RFX1: variants seen among roughly 807,000 people sequenced by gnomAD.
The protein encoded by RFX1 is MHC class II regulatory factor RFX1.
In RFX1, 42 loss-of-function variants were observed where a neutral mutation model predicts 119.6. That is an observed-to-expected ratio of 0.35 (90% CI 0.27 to 0.45). RFX1 has a LOEUF of 0.45. Among genes scored for constraint, RFX1 ranks in the 20% least tolerant of loss-of-function variants. The pLI is 1.00. For synonymous variants in RFX1, 628 were observed against 618.5 expected (o/e 1.02, Z -0.23); for missense variants, 1,118 against 1,368.1 (o/e 0.82, Z 2.88).
At chr19:13,963,385 G>A (rs1973781043) in intron 18 of RFX1, 110 bp from the exon 19 acceptor site, 13 of 1,456,966 alleles carry the variant, frequency 8.9e-6, no homozygotes, top group Non-Finnish European at 1.2e-5. Context: ...GACTCAGGCT[G>A]GATCCCGCAC....
chr19:13,994,482 G>A (rs927081155), intron 1 of RFX1, among the ~76,000 whole-genome samples: 3 of 152,050 alleles, frequency 2.0e-5, no homozygotes, highest in Admixed American at 6.6e-5. Flanking sequence ...TTGGGAGGCC[G>A]AGGTGAGCGG....
chr19:13,963,693 C>T lies in RFX1; in HGVS notation c.2415G>A (p.Glu805=), dbSNP rs1312308822. ...RCEDRVVQRL[E]QDFKVTLQQQ... is the part of the protein sequence containing the mutation. ...GCTGCAGCGTCACCTTGAAGTCCTG[C>T]TCCAGCCGCTGCACCACGCGGTCCT... Residue 805 remains glutamate (E), a synonymous_variant, in exon 18 of 21, where the codon GAG becomes GAA. Coordinates refer to ENST00000254325, the MANE Select transcript of RFX1 (RefSeq NM_002918.5). 6.2e-6 allele frequency: 10 copies of T among 1,604,804 alleles called. No homozygotes were observed. Among genetic ancestry groups the T allele is most frequent in the South Asian group, 5.5e-5 (5 of 90,208 alleles).
At chr19:13,989,475 A>G (rs1974725913) in intron 2 of RFX1, among the ~76,000 whole-genome samples, 1 of 151,956 alleles carries the variant, frequency 6.6e-6, no homozygotes, top group Admixed American at 6.6e-5. Flanking sequence ...GGTTCAAGCG[A>G]TTCTCCTGCC....
At position 13,965,642 on chromosome 19, in the gene RFX1, C is replaced by T; in HGVS notation, c.2097G>A (p.Val699=). ...AGCACTCACTGGGGATGGGCCGCAG[C>T]ACGTCGGGAATGAGGATTTCCACCA... ...QGLVEILIPD[V]LRPIPSALTQ... The change falls in exon 15 of 21, where the codon GTG becomes GTA. Residue 699 remains valine, a synonymous_variant. Transcript: ENST00000254325. This position sits in a 1 kb window ranked among gnomAD's most constrained non-coding sequence, Gnocchi z 4.7. The T allele has an allele frequency of 1.9e-6, 3 of 1,613,554 alleles. No homozygotes were observed. The highest frequency in any genetic ancestry group is 2.2e-5 in the East Asian group (1 of 44,872).
At chr19:13,975,789 C>T (rs1974239029) in intron 8 of RFX1, among the ~76,000 whole-genome samples, 1 of 152,208 alleles carries the variant, frequency 6.6e-6, no homozygotes, top group African/African-American at 2.4e-5. Context: ...GGGATGGAGG[C>T]CCAGGGGCTG....
chr19:13,982,257 G>A, intron 4 of RFX1, 29 bp from the exon 5 acceptor site: 1 of 1,216,568 alleles, frequency 8.2e-7, no homozygotes, highest in Non-Finnish European at 1.1e-6. Flanking sequence ...AGGGAGGGCA[G>A]ATCACTGATG....
Position 13,966,682 on chromosome 19 carries a change from C to G in RFX1, c.1802G>C (p.Gly601Ala), listed in dbSNP as rs757451059. ...LQGKVLPEGV[G>A]PGDIKAFQVL... Reference sequence around the variant, plus strand: ...CTGGAAGGCTTTGATGTCCCCGGGCCCGACGCCCTCAGGCAGCACCTTGCC... The same window carrying G: ...CTGGAAGGCTTTGATGTCCCCGGGCGCGACGCCCTCAGGCAGCACCTTGCC... Residue 601 changes from glycine to alanine, a missense_variant, in exon 13 of 21, where the codon GGG (glycine) becomes GCG (alanine). Gly to Ala is a moderately conservative substitution (Grantham distance 60). Coordinates refer to ENST00000254325, the MANE Select transcript of RFX1 (RefSeq NM_002918.5). The surrounding 1 kb of genome is among the most constrained non-coding windows in gnomAD (Gnocchi z 6.3). 3.1e-6 allele frequency: 5 copies of G among 1,611,388 alleles called. No homozygotes were observed.
rs1422028318 is a variant in RFX1, at chr19:13,962,568, TC to T, written c.*126del. ...CCATAAGGGAGGAGGGCCCCGGTCTTCCCTGTCTCGGAGTCCCCCTCCCTGC... is the reference window on the plus strand; with the variant it reads ...CCATAAGGGAGGAGGGCCCCGGTCTTCCTGTCTCGGAGTCCCCCTCCCTGC... On this transcript the variant is annotated 3_prime_UTR_variant, in exon 21 of 21. Transcript: ENST00000254325. 2.6e-6 allele frequency: 2 copies of T among 769,508 alleles called. No individual in the cohort carries two copies. The highest frequency in any genetic ancestry group is 6.1e-5 in the East Asian group (2 of 32,860). 47.7% of individuals were successfully genotyped at this position (769,508 alleles called of 1,614,324 possible).
Position 13,970,038 on chromosome 19 carries a change from G to T in RFX1, c.1452C>A (p.Ile484=), listed in dbSNP as rs780089915. 6.2e-7 allele frequency: 1 copy of T among 1,614,052 alleles called. No individual in the cohort carries two copies. Among genetic ancestry groups the T allele is most frequent in the South Asian group, 1.1e-5 (1 of 91,084 alleles). ...PVNAASFGKL[I]RSVFMGLRTR... ...TTCGCAGGCCCATGAAGACGGAGCG[G>T]ATGAGCTTGCCGAAGGAGGCGGCGT... Residue 484 remains isoleucine, a synonymous_variant, in exon 10 of 21, where the codon ATC becomes ATA. Transcript: ENST00000254325.
chr19:13,991,881 C>T (rs1023306790), intron 2 of RFX1, among the ~76,000 whole-genome samples: 9 of 151,986 alleles, frequency 5.9e-5, no homozygotes, highest in African/African-American at 2.2e-4. Flanking sequence ...AGGCTGGTCT[C>T]GAACTCCTGA....
rs371029165 is a variant in RFX1 at position 13,983,550 on chromosome 19, C to A, written c.365G>T (p.Gly122Val). 116 of 1,610,844 alleles carry A rather than the reference C, an allele frequency of 7.2e-5. No individual in the cohort carries two copies. The highest frequency in any genetic ancestry group is 9.5e-5 in the Non-Finnish European group (112 of 1,179,480). Residue 122 changes from glycine to valine, a missense_variant, in exon 3 of 21, where the codon GGC (glycine) becomes GTC (valine). By Grantham distance (109) the Gly-to-Val change is moderately radical (BLOSUM62 -3). This residue lies in a region of RFX1 where 542 missense variants were observed against 602.7 expected (regional missense o/e 0.90). Transcript: ENST00000254325. ...AACGCCGGTCTGGCTGGCGGTGGAG[C>A]CGGGGCTGGCCTCCGACACTGTCTC... ...ASETVSEASP[G>V]STASQTGVPT...
Position 13,990,071 on chromosome 19 carries a change from G to C in RFX1, c.319+3454C>G, listed in dbSNP as rs535262822. On this transcript the variant is annotated intron_variant, in intron 2 of 20. Coordinates refer to ENST00000254325, the MANE Select transcript of RFX1 (RefSeq NM_002918.5). This position sits in a 1 kb window ranked among gnomAD's most constrained non-coding sequence, Gnocchi z 4.1. ...GGATGAGTCAGGAGGGGCTGGATGT[G>C]GGGTCCTGCGGTTCAGGGTTGCAGC... 2.6e-5 allele frequency among the ~76,000 whole-genome samples: 4 copies of C among 152,260 alleles called. No homozygotes were observed. Among genetic ancestry groups the C allele is most frequent in the African/African-American group, 9.6e-5 (4 of 41,556 alleles).
At position 13,966,422 on chromosome 19, in the gene RFX1, C is replaced by T. The variant is rs1213323538; in HGVS notation, c.1960G>A (p.Val654Ile). 1.2e-6 allele frequency: 2 copies of T among 1,603,562 alleles called. No individual in the cohort carries two copies. The highest frequency in any genetic ancestry group is 1.3e-5 in the African/African-American group (1 of 74,712). The stretch of plus-strand genomic sequence containing the variant: ...CCACAGTCGCCGGGCAGTACTCACA[C>T]AGCCAGCGGTGGCGCCTCACTGGGC... ...SQPSEAPPLA[V>I]HDEAEKRLPK... Residue 654 changes from valine (V) to isoleucine (I), a missense_variant and splice_region_variant, in exon 14 of 21, where the codon GTA (valine) becomes ATA (isoleucine). Transcript: ENST00000254325. The surrounding 1 kb of genome is among the most constrained non-coding windows in gnomAD (Gnocchi z 6.3).
rs1454237592 is a variant in RFX1, at chr19:13,985,851, C to G, written c.320-2256G>C. Among the ~76,000 whole-genome samples the G allele has an allele frequency of 6.6e-6, 1 of 152,018 alleles. No individual in the cohort carries two copies. The highest frequency in any genetic ancestry group is 1.5e-5 in the Non-Finnish European group (1 of 67,994). On this transcript the variant is annotated intron_variant, in intron 2 of 20. Coordinates refer to ENST00000254325, the MANE Select transcript of RFX1 (RefSeq NM_002918.5). The surrounding 1 kb of genome is among the most constrained non-coding windows in gnomAD (Gnocchi z 4.3). ...GCAGATGCAAAGGCCAAGTCAAGGG[C>G]AGAGCGCAGGAGTGTGTGTTGGGGG...
intron 1 of RFX1, among the ~76,000 whole-genome samples, chr19:13,999,188 T>C (rs1490826239): frequency 6.6e-6 from 1 of 152,172 alleles, no homozygotes; most frequent in Admixed American, 6.6e-5. Context: ...GTATTGCCCA[T>C]ATATTTGAGC....
chr19:13,995,977 G>A (rs1037636116), intron 1 of RFX1, among the ~76,000 whole-genome samples: 1 of 151,946 alleles, frequency 6.6e-6, no homozygotes, highest in Non-Finnish European at 1.5e-5. Context: ...GCAGAGAGCT[G>A]TGAGCCGAGA....
chr19:14,005,222 T>C (rs912542883), intron 1 of RFX1, among the ~76,000 whole-genome samples: 23 of 152,296 alleles, frequency 1.5e-4, no homozygotes, highest in Non-Finnish European at 7.4e-5. Context: ...AGGTTTCTGT[T>C]CCTCTAAAGC....
Position 13,976,866 on chromosome 19 carries a change from G to C in RFX1, c.929+1126C>G, listed in dbSNP as rs113386001. ...AAAAATACAAAAATTAGCTGAGCAT[G>C]GTGGTGCACACCTGTAGTCCCAGCT... On this transcript the variant is annotated intron_variant, in intron 8 of 20. Transcript: ENST00000254325. Among the ~76,000 whole-genome samples, 1,181 of 152,198 alleles carry C rather than the reference G, an allele frequency of 7.8e-3. 19 individuals are homozygous for C. The highest frequency in any genetic ancestry group is 0.027 in the African/African-American group (1,130 of 41,512).
At chr19:13,983,006 T>C (rs1230469183) in intron 4 of RFX1, 181 bp downstream of exon 4, 1 of 583,418 alleles carries the variant, frequency 1.7e-6, no homozygotes, top group Non-Finnish European at 3.0e-6. Context: ...CTGTCCCTGA[T>C]GGCCCCTGCC....
Sources: allele counts gnomAD v4.1 joint callset (sites outside exome capture counted in the v4.1 genomes callset), GRCh38; gene constraint gnomAD v4.1.1; regional missense constraint gnomAD v4.1.1; non-coding constraint Gnocchi (gnomAD v3.1); transcripts MANE v1.5; gene names NCBI Gene and HGNC (gene_info 2026-07-23, HGNC 2026-07-21).